AK8: variants seen among roughly 807,000 people sequenced by gnomAD.
AK8 encodes the protein adenylate kinase 8.
AK8 carries 44 observed loss-of-function variants against 54.6 expected under a neutral mutation model. That is an observed-to-expected ratio of 0.81 (90% CI 0.63 to 1.04). The LOEUF is 1.04. AK8 is among the 50% of genes least tolerant of loss of function. The pLI is 0.00. For missense variants in AK8, 555 were observed against 613.6 expected (o/e 0.90, Z 1.01); for synonymous variants, 239 against 245.6 (o/e 0.97, Z 0.25).
At chr9:132,875,660 A>G (rs1844063680) in intron 1 of AK8, among the ~76,000 whole-genome samples, 1 of 152,144 alleles carries the variant, frequency 6.6e-6, no homozygotes, top group Admixed American at 6.5e-5. Context: ...CACTACGTAA[A>G]TATGTCAGAT....
At chr9:132,798,763 T>C (rs1387853097) in intron 10 of AK8, among the ~76,000 whole-genome samples, 2 of 151,330 alleles carry the variant, frequency 1.3e-5, no homozygotes, top group East Asian at 4.0e-4. Context: ...GTTATTAAAA[T>C]CTCAATCCAT....
At chr9:132,805,420 C>T (rs1190835636) in intron 10 of AK8, among the ~76,000 whole-genome samples, 2 of 152,230 alleles carry the variant, frequency 1.3e-5, no homozygotes, top group African/African-American at 2.4e-5. Flanking sequence ...ACCTACCCCC[C>T]TCCGGCAGCG....
chr9:132,834,812 A>G (rs1349523238), intron 5 of AK8, among the ~76,000 whole-genome samples: 2 of 152,078 alleles, frequency 1.3e-5, no homozygotes, highest in Admixed American at 6.5e-5. Context: ...CTACAGGCCA[A>G]TGATCTCTAG....
intron 5 of AK8, among the ~76,000 whole-genome samples, chr9:132,844,945 G>C (rs1471010099): frequency 6.6e-6 from 1 of 152,148 alleles, no homozygotes; most frequent in East Asian, 1.9e-4. Context: ...TCAGTTCTGG[G>C]ATTTAATTGT....
chr9:132,828,473 G>A (rs936932290), intron 6 of AK8, among the ~76,000 whole-genome samples, 172 bp downstream of exon 6: 9 of 152,224 alleles, frequency 5.9e-5, no homozygotes, highest in Non-Finnish European at 1.2e-4. Context: ...TTAAGAACCA[G>A]CCCTGAATAT....
At chr9:132,824,740 G>A (rs1010105647) in intron 8 of AK8, among the ~76,000 whole-genome samples, 3 of 152,186 alleles carry the variant, frequency 2.0e-5, no homozygotes, top group Non-Finnish European at 4.4e-5. Context: ...ATCTTTGCTG[G>A]ACTTTTAAAT....
At chr9:132,731,718 G>A (rs1399374070) in intron 11 of AK8, among the ~76,000 whole-genome samples, 1 of 152,198 alleles carries the variant, frequency 6.6e-6, no homozygotes, top group Non-Finnish European at 1.5e-5. Flanking sequence ...TTTCTTGAGA[G>A]CTCAGCTCTC....
intron 11 of AK8, among the ~76,000 whole-genome samples, chr9:132,733,473 C>CT (rs2130947511): frequency 6.6e-6 from 1 of 152,350 alleles, no homozygotes; most frequent in African/African-American, 2.4e-5. Context: ...ATTTGAAAGA[C>CT]TTTTAACCCA....
chr9:132,875,299 C>T lies in AK8; in HGVS notation c.85-100G>A, dbSNP rs1350149901. The T allele has an allele frequency of 3.3e-6, 5 of 1,521,128 alleles. No individual in the cohort carries two copies. The Admixed American group carries it at 8.1e-5, about 25-fold the overall frequency. The allele number at this position is 1,521,128 out of a possible 1,614,324, so 94.2% of individuals were successfully genotyped here. A position where few individuals can be genotyped will look rare whatever the true frequency, so the allele number is the denominator to read the frequency against. ...GGCCTGCTCTCTCCACTGCACCCCA[C>T]CAAACATGCCTTCAACCTGGGACCC... On this transcript the variant is annotated intron_variant, in intron 1 of 12. Transcript: ENST00000298545.
chr9:132,815,893 C>T (rs746133161), intron 9 of AK8, among the ~76,000 whole-genome samples: 6 of 152,206 alleles, frequency 3.9e-5, no homozygotes, highest in Admixed American at 6.5e-5. Flanking sequence ...CAAAAAACAT[C>T]CTAAAGTTAA....
chr9:132,794,090 A>G (rs1192841204), intron 10 of AK8, among the ~76,000 whole-genome samples: 1 of 152,212 alleles, frequency 6.6e-6, no homozygotes, highest in African/African-American at 2.4e-5. Context: ...CCAAAAAACC[A>G]TAACCCTAAT....
Position 132,826,037 on chromosome 9 carries a change from G to A in AK8, c.757+817C>T, listed in dbSNP as rs2809255. ...CCTTGCCCTTGCCTTTTTGGGCAGG[G>A]TGTTGAACAATGATAGGAGCTATGA... On this transcript the variant is annotated intron_variant, in intron 8 of 12. Coordinates refer to ENST00000298545, the MANE Select transcript of AK8 (RefSeq NM_152572.3). This position sits in a 1 kb window ranked among gnomAD's most constrained non-coding sequence, Gnocchi z 4.5. Among the ~76,000 whole-genome samples, 14,813 of 152,182 alleles carry A rather than the reference G, an allele frequency of 0.097. 775 individuals carry two copies. The highest frequency in any genetic ancestry group is 0.14 in the African/African-American group (5,675 of 41,500).
Position 132,826,157 on chromosome 9 carries a change from C to T in AK8, c.757+697G>A, listed in dbSNP as rs1841859213. On this transcript the variant is annotated intron_variant, in intron 8 of 12. Coordinates refer to ENST00000298545, the MANE Select transcript of AK8 (RefSeq NM_152572.3). The surrounding 1 kb of genome is among the most constrained non-coding windows in gnomAD (Gnocchi z 4.5). ...GAATCCCATTTAATCCTCACCTACGCCTGGGAGGAGGGCACAAGTTTTGTT... is the reference window on the plus strand; with the variant it reads ...GAATCCCATTTAATCCTCACCTACGTCTGGGAGGAGGGCACAAGTTTTGTT... Among the ~76,000 whole-genome samples the T allele has an allele frequency of 6.6e-6, 1 of 152,176 alleles. No individual in the cohort carries two copies. Among genetic ancestry groups the T allele is most frequent in the South Asian group, 2.1e-4 (1 of 4,828 alleles).
At chr9:132,731,790 C>G (rs887102215) in intron 11 of AK8, among the ~76,000 whole-genome samples, 12 of 152,154 alleles carry the variant, frequency 7.9e-5, no homozygotes, top group Non-Finnish European at 5.9e-5. Flanking sequence ...TCAAAAGACT[C>G]AGGTTGTGCT....
At chr9:132,842,456 G>C (rs992726690) in intron 5 of AK8, among the ~76,000 whole-genome samples, 1 of 150,876 alleles carries the variant, frequency 6.6e-6, no homozygotes, top group African/African-American at 2.5e-5. Context: ...AGAGCAGAAT[G>C]CTGTGAGCAT....
chr9:132,740,841 A>G (rs1196665229), intron 11 of AK8, among the ~76,000 whole-genome samples: 1 of 152,176 alleles, frequency 6.6e-6, no homozygotes, highest in Admixed American at 6.5e-5. Flanking sequence ...TCCTCATCAG[A>G]TGCATTTGGC....
intron 11 of AK8, among the ~76,000 whole-genome samples, chr9:132,741,450 C>A (rs1837387121): frequency 6.6e-6 from 1 of 152,158 alleles, no homozygotes. Flanking sequence ...GGACGCCAGT[C>A]AAGATCCATT....
Position 132,863,688 on chromosome 9 carries a change from T to C in AK8, c.310A>G (p.Arg104Gly). The C allele has an allele frequency of 6.2e-7, 1 of 1,613,814 alleles. No individual in the cohort carries two copies. Among genetic ancestry groups the C allele is most frequent in the Non-Finnish European group, 8.5e-7 (1 of 1,179,890 alleles). The stretch of plus-strand genomic sequence containing the variant: ...ACCTTCCTTTGCAGATAAAGCCTTC[T>C]GGCTTCGGTGGCCGTATAGGAAAAC... ...NEFSYTATEARRLYLQRKTVP... is the reference protein window; with the variant it reads ...NEFSYTATEAGRLYLQRKTVP... The change falls in exon 4 of 13, where the codon AGA (arginine) becomes GGA (glycine). Residue 104 changes from arginine (R) to glycine (G), a missense_variant. Transcript: ENST00000298545.
intron 11 of AK8, among the ~76,000 whole-genome samples, chr9:132,773,170 C>T (rs1839062347): frequency 6.6e-6 from 1 of 152,210 alleles, no homozygotes; most frequent in Non-Finnish European, 1.5e-5. Flanking sequence ...CTTGATGTTG[C>T]TCAGAGTTGC....
Sources: allele counts gnomAD v4.1 joint callset (sites outside exome capture counted in the v4.1 genomes callset), GRCh38; gene constraint gnomAD v4.1.1; non-coding constraint Gnocchi (gnomAD v3.1); transcripts MANE v1.5; gene names NCBI Gene and HGNC (gene_info 2026-07-23, HGNC 2026-07-21).